Variants in GSTCD observed in about 807,000 individuals in gnomAD.
GSTCD encodes the protein glutathione S-transferase C-terminal domain containing, also known as glutathione S-transferase C-terminal domain-containing protein.
Under a neutral mutation model 68.3 loss-of-function variants are expected in GSTCD, and 44 were observed. The observed-to-expected ratio is 0.64, with a 90% CI of 0.51 to 0.83. The LOEUF (loss-of-function observed/expected upper bound fraction) is 0.83. Ranked by LOEUF, GSTCD falls within the 40% of genes least tolerant of loss-of-function variation. The pLI is 0.00. For synonymous variants in GSTCD, 273 were observed against 255.2 expected (o/e 1.07, Z -0.67); for missense variants, 739 against 735.9 (o/e 1.00, Z -0.05).
At chr4:105,724,720 C>G (rs1278317969) in intron 3 of GSTCD, among the ~76,000 whole-genome samples, 1 of 151,894 alleles carries the variant, frequency 6.6e-6, no homozygotes, top group African/African-American at 2.4e-5. Flanking sequence ...TGAGACCCCT[C>G]AAAATACATC....
chr4:105,732,901 T>A (rs1015739908), intron 5 of GSTCD, among the ~76,000 whole-genome samples: 1 of 152,150 alleles, frequency 6.6e-6, no homozygotes, highest in East Asian at 1.9e-4. Flanking sequence ...TCTTTGTTCT[T>A]ATTGGTTTCA....
chr4:105,730,244 T>C (rs1733185793), intron 5 of GSTCD, among the ~76,000 whole-genome samples: 1 of 152,224 alleles, frequency 6.6e-6, no homozygotes, highest in African/African-American at 2.4e-5. Context: ...TTATAATCCT[T>C]TGGGTATATA....
chr4:105,820,257 A>C (rs1723222126), intron 5 of GSTCD, among the ~76,000 whole-genome samples: 1 of 151,758 alleles, frequency 6.6e-6, no homozygotes, highest in Non-Finnish European at 1.5e-5. Flanking sequence ...TGCAAACCAC[A>C]CTGAAGTGTC....
chr4:105,776,971 A>G (rs1735091868), intron 5 of GSTCD, among the ~76,000 whole-genome samples: 1 of 152,134 alleles, frequency 6.6e-6, no homozygotes, highest in Admixed American at 6.5e-5. Context: ...TCCATTCTGT[A>G]TCTGTCCAAC....
chr4:105,839,799 A>G (rs955394575), intron 10 of GSTCD, among the ~76,000 whole-genome samples: 2 of 152,210 alleles, frequency 1.3e-5, no homozygotes, highest in Admixed American at 1.3e-4. Context: ...GAAAGGATGT[A>G]TGGAAAAAAT....
chr4:105,753,026 C>G (rs1417322907), intron 5 of GSTCD, among the ~76,000 whole-genome samples: 2 of 152,010 alleles, frequency 1.3e-5, no homozygotes, highest in South Asian at 4.1e-4. Context: ...TCTGCATTAT[C>G]TTAGGGTAGA....
At chr4:105,828,387 T>C (rs1723749567) in intron 8 of GSTCD, among the ~76,000 whole-genome samples, 1 of 152,204 alleles carries the variant, frequency 6.6e-6, no homozygotes, top group Non-Finnish European at 1.5e-5. Context: ...ATATAATCCT[T>C]GTTTTAAAAG....
At chr4:105,835,044 G>A (rs765933595) in intron 9 of GSTCD, among the ~76,000 whole-genome samples, 11 of 152,138 alleles carry the variant, frequency 7.2e-5, no homozygotes, top group Non-Finnish European at 1.5e-4. Flanking sequence ...TACAAAATGA[G>A]GGTTATGATA....
In GSTCD at chr4:105,840,245, A is replaced by G. The variant is rs1368942393; in HGVS notation, c.1696-1820A>G. The G allele has an allele frequency of 1.1e-5, 5 of 453,974 alleles. No homozygotes were observed. In the Admixed American group the frequency reaches 1.2e-4, roughly 11 times the overall value. The allele number at this position is 453,974 out of a possible 1,614,324, so 28.1% of individuals were successfully genotyped here. A position where few individuals can be genotyped will look rare whatever the true frequency, so the allele number is the denominator to read the frequency against. On this transcript the variant is annotated intron_variant, in intron 10 of 11. Transcript: ENST00000515279. ...TTATATAAAATGAATCTTAATTTAC[A>G]AACACCATGAGGACAAAGTGCACAC...
chr4:105,757,718 A>T (rs1734247008), intron 5 of GSTCD, among the ~76,000 whole-genome samples: 1 of 152,178 alleles, frequency 6.6e-6, no homozygotes, highest in Non-Finnish European at 1.5e-5. Context: ...TGTGATTATT[A>T]TATTTAATTG....
intron 5 of GSTCD, among the ~76,000 whole-genome samples, chr4:105,781,810 T>C (rs1735283786): frequency 6.6e-6 from 1 of 151,952 alleles, no homozygotes; most frequent in South Asian, 2.1e-4. Flanking sequence ...TTCTTTTTTT[T>C]TTTTTAACAA....
At chr4:105,724,137 T>C (rs1282580500) in intron 3 of GSTCD, among the ~76,000 whole-genome samples, 2 of 151,878 alleles carry the variant, frequency 1.3e-5, no homozygotes, top group Non-Finnish European at 3.0e-5. Flanking sequence ...TTGACCTTTT[T>C]ATTTAAAGGT....
chr4:105,839,622 G>T (rs1353533059), intron 10 of GSTCD, among the ~76,000 whole-genome samples: 1 of 152,072 alleles, frequency 6.6e-6, no homozygotes, highest in Non-Finnish European at 1.5e-5. Flanking sequence ...GCCCGGGTGA[G>T]AGAGTGATAC....
chr4:105,845,986 CAG>C lies in GSTCD; in HGVS notation c.*410_*411del. On this transcript the variant is annotated 3_prime_UTR_variant, in exon 12 of 12. Transcript: ENST00000515279. Reference sequence around the variant, plus strand: ...TTCACATGGGAACTGAAAGTAGACTCAGTGGAGTTTTTTGTTTTTTATATTTT... The same window carrying C: ...TTCACATGGGAACTGAAAGTAGACTCTGGAGTTTTTTGTTTTTTATATTTT... 1 of 160,058 alleles carries C rather than the reference CAG, an allele frequency of 6.2e-6. No individual in the cohort carries two copies. The highest frequency in any genetic ancestry group is 2.4e-5 in the African/African-American group (1 of 41,734). The allele number at this position is 160,058 out of a possible 1,614,324, so 9.9% of individuals were successfully genotyped here.
In GSTCD at chr4:105,825,677, A is replaced by G. The variant is rs767722583; in HGVS notation, c.1407A>G (p.Thr469=). The G allele has an allele frequency of 3.4e-6, 5 of 1,482,964 alleles. No homozygotes were observed. The South Asian group carries it at 3.5e-5, about 10-fold the overall frequency. 91.9% of individuals were successfully genotyped at this position (1,482,964 alleles called of 1,614,324 possible). Residue 469 remains threonine, a synonymous_variant, in exon 8 of 12, where the codon ACA becomes ACG. Coordinates refer to ENST00000515279, the MANE Select transcript of GSTCD (RefSeq NM_001370181.1). ...LAHMLPSCQV[T]LIENKELSLI... is the part of the protein sequence containing the mutation. ...GTTTTCTGGGTAAAATCTAGGTTAC[A>G]TTAATAGAAAACAAGGAATTATCAT...
chr4:105,821,801 A>C (rs2193856), intron 5 of GSTCD, among the ~76,000 whole-genome samples: 123,641 of 151,692 alleles, frequency 0.82, 50,786 homozygotes, highest in East Asian at 0.96. Context: ...TTATGAATAT[A>C]ATTGAAAGTA....
At chr4:105,819,801 T>G (rs1723188230) in intron 5 of GSTCD, among the ~76,000 whole-genome samples, 1 of 151,736 alleles carries the variant, frequency 6.6e-6, no homozygotes, top group African/African-American at 2.4e-5. Context: ...TGAAAAAATT[T>G]GCTTTTGCTC....
intron 5 of GSTCD, among the ~76,000 whole-genome samples, chr4:105,766,778 C>T (rs1209897153): frequency 2.0e-5 from 3 of 150,420 alleles, no homozygotes; most frequent in Non-Finnish European, 4.4e-5. Context: ...ATTACTCTGA[C>T]GTTGACTATA....
intron 5 of GSTCD, 95 bp from the exon 6 acceptor site, chr4:105,822,859 C>T (rs1364430983): frequency 1.3e-6 from 1 of 785,930 alleles, no homozygotes; most frequent in Non-Finnish European, 2.2e-6. Flanking sequence ...TCCTCCCCCT[C>T]CTCCTCCTCT....
Sources: allele counts gnomAD v4.1 joint callset (sites outside exome capture counted in the v4.1 genomes callset), GRCh38; gene constraint gnomAD v4.1.1; transcripts MANE v1.5; gene names NCBI Gene and HGNC (gene_info 2026-07-23, HGNC 2026-07-21).